The following CCDC149 variants were observed in gnomAD, a reference collection of about 807,000 sequenced individuals.
CCDC149 encodes the protein coiled-coil domain containing 149.
In CCDC149, 45 loss-of-function variants were observed where a neutral mutation model predicts 59.9. That is an observed-to-expected ratio of 0.75 (90% CI 0.59 to 0.96). CCDC149 has a LOEUF of 0.96. CCDC149 is among the 40% of genes least tolerant of loss of function. The pLI is 0.00. For missense variants in CCDC149, 584 were observed against 664.7 expected, an observed-to-expected ratio of 0.88 and a Z score of 1.33; for synonymous variants, 245 against 260.6, an observed-to-expected ratio of 0.94 and a Z score of 0.58.
Position 24,820,494 on chromosome 4 carries a change from T to C in CCDC149, c.1076-519A>G, listed in dbSNP as rs113552466. Among the ~76,000 whole-genome samples, 508 of 152,250 alleles carry C rather than the reference T, an allele frequency of 3.3e-3. 3 individuals carry two copies. The highest frequency in any genetic ancestry group is 0.011 in the African/African-American group (475 of 41,548). On this transcript the variant is annotated intron_variant, in intron 11 of 12. Transcript: ENST00000635206. ...TGGCTAAACACTGTGATTTGACTCC[T>C]ACTTTGGGAAAGAAAGAAGAGGAAG...
chr4:24,957,495 T>G (rs1395203520), intron 1 of CCDC149, among the ~76,000 whole-genome samples: 1 of 152,198 alleles, frequency 6.6e-6, no homozygotes, highest in Non-Finnish European at 1.5e-5. Context: ...ACAATCCCAT[T>G]CAGGTACAGC....
downstream of CCDC149, among the ~76,000 whole-genome samples, chr4:24,803,965 A>G (rs549358032): frequency 7.2e-5 from 11 of 152,302 alleles, no homozygotes; most frequent in East Asian, 1.7e-3. The surrounding 1 kb of genome is among the most constrained non-coding windows in gnomAD (Gnocchi z 4.3). Flanking sequence ...ATTTCTAACT[A>G]GATTCACTAC....
chr4:24,871,076 T>C (rs1719015096), intron 3 of CCDC149, among the ~76,000 whole-genome samples: 1 of 151,862 alleles, frequency 6.6e-6, no homozygotes, highest in Non-Finnish European at 1.5e-5. Context: ...ATTTCTACAT[T>C]TTGTTTAGAA....
intron 1 of CCDC149, among the ~76,000 whole-genome samples, chr4:24,957,266 T>C (rs1723492090): frequency 6.6e-6 from 1 of 152,204 alleles, no homozygotes; most frequent in Admixed American, 6.5e-5. Context: ...AAATGGTACC[T>C]CTGGGGTTAG....
chr4:24,854,747 T>G (rs958705160), intron 3 of CCDC149, among the ~76,000 whole-genome samples: 1 of 152,232 alleles, frequency 6.6e-6, no homozygotes, highest in Admixed American at 6.5e-5. Context: ...TCCTGTTGTC[T>G]TACCTACTAG....
Position 24,876,544 on chromosome 4 carries a change from C to A in CCDC149, c.217G>T (p.Glu73Ter). The A allele has an allele frequency of 6.2e-7, 1 of 1,613,856 alleles. No homozygotes were observed. The highest frequency in any genetic ancestry group is 8.5e-7 in the Non-Finnish European group (1 of 1,179,834). Residue 73 changes from glutamate to a stop codon, truncating the protein, a stop_gained, in exon 2 of 13, where the codon GAG becomes TAG. Transcript: ENST00000635206. LOFTEE classifies it high-confidence loss of function. ...GGCAGCCTAACACTTACAATCAGCT[C>A]TCGGTACTTCTTCTTCAGTGACTGG...
At chr4:24,947,835 T>TA (rs1433604312) in intron 1 of CCDC149, among the ~76,000 whole-genome samples, 3 of 152,098 alleles carry the variant, frequency 2.0e-5, no homozygotes, top group African/African-American at 4.8e-5. Context: ...TTTTTTTTTT[T>TA]ATTGCAGATA....
chr4:24,915,132 AAAG>A (rs1420123721), upstream of CCDC149, among the ~76,000 whole-genome samples: 2 of 152,250 alleles, frequency 1.3e-5, no homozygotes, highest in East Asian at 1.9e-4. Context: ...AAGGAGCTAG[AAAG>A]AAGGTCATCC....
chr4:24,923,812 C>T (rs1560257938), intron 1 of CCDC149, among the ~76,000 whole-genome samples: 1 of 152,182 alleles, frequency 6.6e-6, no homozygotes, highest in Non-Finnish European at 1.5e-5. Flanking sequence ...GTAACAAAGA[C>T]ACCCAAATAT....
upstream of CCDC149, among the ~76,000 whole-genome samples, chr4:24,916,218 G>A (rs1459480639): frequency 1.3e-5 from 2 of 152,126 alleles, no homozygotes; most frequent in South Asian, 2.1e-4. Flanking sequence ...ATAGCCCCGG[G>A]ACCAGTTTTA....
intron 4 of CCDC149, among the ~76,000 whole-genome samples, chr4:24,847,380 C>A (rs1480647059): frequency 6.6e-6 from 1 of 152,218 alleles, no homozygotes; most frequent in Non-Finnish European, 1.5e-5. Context: ...CATTAAATCT[C>A]ATTGTCCTGT....
rs182338787 is a variant in CCDC149 at position 24,815,682 on chromosome 4, G to T, written c.1192+4177C>A. ...CTTCTCTACCTTAATTTACACCTCA[G>T]TGAGGGTGGTCTAAATTACACAGGG... is the stretch of plus-strand genomic sequence containing the variant. On this transcript the variant is annotated intron_variant, in intron 12 of 12. Coordinates refer to ENST00000635206, the MANE Select transcript of CCDC149 (RefSeq NM_001330643.2). Among the ~76,000 whole-genome samples, 20 of 152,288 alleles carry T rather than the reference G, an allele frequency of 1.3e-4. No individual in the cohort carries two copies. In the East Asian group the frequency reaches 2.9e-3, roughly 22 times the overall value.
chr4:24,938,081 T>C (rs770262952), intron 1 of CCDC149, among the ~76,000 whole-genome samples: 2 of 152,056 alleles, frequency 1.3e-5, no homozygotes, highest in African/African-American at 4.8e-5. Flanking sequence ...TGTTGATGGG[T>C]GGAGTAGTTT....
At chr4:24,813,506 ATATATATATATATATATATAT>A (rs1714790109) in intron 12 of CCDC149, among the ~76,000 whole-genome samples, 5 of 142,500 alleles carry the variant, frequency 3.5e-5, no homozygotes, top group African/African-American at 1.3e-4. Context: ...ATATATATAT[ATATATATATATATATATATAT>A]AAAACCTAAA....
At chr4:24,907,940 C>G (rs1721632829) in intron 1 of CCDC149, among the ~76,000 whole-genome samples, 2 of 152,168 alleles carry the variant, frequency 1.3e-5, no homozygotes, top group African/African-American at 4.8e-5. Flanking sequence ...GTTTCTGCCT[C>G]TGTTGTCACA....
intron 1 of CCDC149, among the ~76,000 whole-genome samples, chr4:24,903,486 G>A (rs1277979738): frequency 1.3e-5 from 2 of 152,126 alleles, no homozygotes; most frequent in Non-Finnish European, 2.9e-5. Context: ...AAACCTGATG[G>A]GCTCGGGAAT....
At chr4:24,955,671 C>T (rs1214339770) in intron 1 of CCDC149, among the ~76,000 whole-genome samples, 2 of 152,096 alleles carry the variant, frequency 1.3e-5, no homozygotes, top group African/African-American at 4.8e-5. Flanking sequence ...GTACTTAGAG[C>T]AGTCAAAATT....
intron 12 of CCDC149, among the ~76,000 whole-genome samples, chr4:24,812,346 C>A (rs2109088717): frequency 6.6e-6 from 1 of 152,334 alleles, no homozygotes; most frequent in South Asian, 2.1e-4. Flanking sequence ...TGTTTCTCTT[C>A]ATTCATTCTC....
intron 1 of CCDC149, among the ~76,000 whole-genome samples, chr4:24,958,761 G>C (rs1723546792): frequency 6.6e-6 from 1 of 152,164 alleles, no homozygotes; most frequent in Admixed American, 6.5e-5. Flanking sequence ...GCCAGGTGCG[G>C]TGGCTCTAAC....
Sources: gnomAD v4.1 joint callset for allele counts (sites outside exome capture counted in the v4.1 genomes callset) on GRCh38, gnomAD v4.1.1 for gene constraint, Gnocchi (gnomAD v3.1) non-coding constraint, MANE v1.5 for transcripts, NCBI Gene and HGNC (gene_info 2026-07-23, HGNC 2026-07-21) for gene names.